Variants in DNAJC6 observed in about 807,000 individuals in gnomAD.
The protein encoded by DNAJC6 is DnaJ heat shock protein family (Hsp40) member C6.
A neutral mutation model predicts 110.0 loss-of-function variants in DNAJC6; 34 were observed. That is an observed-to-expected ratio of 0.31 (90% CI 0.24 to 0.41). The LOEUF (loss-of-function observed/expected upper bound fraction) is 0.41. Among genes scored for constraint, DNAJC6 ranks in the 10% least tolerant of loss-of-function variants. DNAJC6 has a pLI of 1.00. For missense variants in DNAJC6, 1,031 were observed against 1,207.8 expected (o/e 0.85, Z 2.17); for synonymous variants, 406 against 437.2 (o/e 0.93, Z 0.89).
upstream of DNAJC6, among the ~76,000 whole-genome samples, chr1:65,305,716 T>C (rs1038364653): frequency 2.6e-5 from 4 of 152,140 alleles, no homozygotes; most frequent in East Asian, 1.9e-4. Context: ...ATTTAAAAAC[T>C]CAGGGCAAAA....
At chr1:65,302,546 T>A in intron 1 of DNAJC6, among the ~76,000 whole-genome samples, 1 of 140,872 alleles carries the variant, frequency 7.1e-6, no homozygotes, top group African/African-American at 2.6e-5. Flanking sequence ...TTTTTTTTTT[T>A]GAGACGGAGT....
chr1:65,273,963 A>G (rs1653585538), intron 1 of DNAJC6, among the ~76,000 whole-genome samples: 1 of 152,144 alleles, frequency 6.6e-6, no homozygotes, highest in Admixed American at 6.5e-5. Context: ...TGTTCTATAT[A>G]TGTTAATTAT....
At chr1:65,316,262 T>A (rs772809516) in intron 1 of DNAJC6, among the ~76,000 whole-genome samples, 12 of 152,208 alleles carry the variant, frequency 7.9e-5, no homozygotes, top group Non-Finnish European at 1.6e-4. Flanking sequence ...TCCATCTTTA[T>A]GTTTTTGCAT....
In DNAJC6 at chr1:65,413,125, GT is replaced by G; in HGVS notation, c.*104del. Reference sequence around the variant, plus strand: ...GATGAACCAAAAACTCCAGTAACATGTTTTCAGTACTAAACCGTTAAGTTAC... The same window carrying G: ...GATGAACCAAAAACTCCAGTAACATGTTTCAGTACTAAACCGTTAAGTTAC... On this transcript the variant is annotated 3_prime_UTR_variant, in exon 19 of 19. Coordinates refer to ENST00000371069, the MANE Select transcript of DNAJC6 (RefSeq NM_001256864.2). 1.1e-6 allele frequency: 1 copy of G among 932,962 alleles called. No homozygotes were observed. The highest frequency in any genetic ancestry group is 1.7e-6 in the Non-Finnish European group (1 of 595,840). 57.8% of individuals were successfully genotyped at this position (932,962 alleles called of 1,614,324 possible). A position where few individuals can be genotyped will look rare whatever the true frequency, so the allele number is the denominator to read the frequency against.
Position 65,408,697 on chromosome 1 carries a change from G to A in DNAJC6, c.2548G>A (p.Ala850Thr), listed in dbSNP as rs1249441647. ...CCTACTCTCTGGTCAAGGTTTCAATGCTCACAAAGACAAAAAGGGGCCTCG... is the reference window on the plus strand; with the variant it reads ...CCTACTCTCTGGTCAAGGTTTCAATACTCACAAAGACAAAAAGGGGCCTCG... ...EDLLSGQGFNAHKDKKGPRTI... is the reference protein window; with the variant it reads ...EDLLSGQGFNTHKDKKGPRTI... The change falls in exon 17 of 19, where the codon GCT becomes ACT. Residue 850 changes from alanine (A) to threonine (T), a missense_variant. Coordinates refer to ENST00000371069, the MANE Select transcript of DNAJC6 (RefSeq NM_001256864.2). 1.2e-6 allele frequency: 2 copies of A among 1,613,958 alleles called. No homozygotes were observed. Among genetic ancestry groups the A allele is most frequent in the Non-Finnish European group, 1.7e-6 (2 of 1,179,976 alleles).
intron 1 of DNAJC6, among the ~76,000 whole-genome samples, chr1:65,277,485 T>C (rs1019586080): frequency 1.3e-5 from 2 of 152,226 alleles, no homozygotes; most frequent in Non-Finnish European, 2.9e-5. Flanking sequence ...ACAAAATAAT[T>C]TGAATGATTG....
chr1:65,349,034 A>C (rs1423190168), intron 1 of DNAJC6, among the ~76,000 whole-genome samples: 1 of 145,782 alleles, frequency 6.9e-6, no homozygotes, highest in Non-Finnish European at 1.5e-5. Context: ...ATATAAATAT[A>C]TGTAAATGCA....
chr1:65,306,871 A>G (rs1645043569), upstream of DNAJC6, among the ~76,000 whole-genome samples: 1 of 152,080 alleles, frequency 6.6e-6, no homozygotes, highest in South Asian at 2.1e-4. Flanking sequence ...CCCATTTGAA[A>G]AACTAAGACT....
chr1:65,281,191 T>G (rs1160885330), intron 1 of DNAJC6, among the ~76,000 whole-genome samples: 4 of 152,180 alleles, frequency 2.6e-5, no homozygotes, highest in African/African-American at 9.7e-5. Flanking sequence ...CCTCCCAAAG[T>G]GACGGGATTA....
At chr1:65,336,347 C>T (rs1475356969) in intron 1 of DNAJC6, among the ~76,000 whole-genome samples, 1 of 152,118 alleles carries the variant, frequency 6.6e-6, no homozygotes, top group Non-Finnish European at 1.5e-5. Context: ...CCCACTGGGT[C>T]CCTCCCACAA....
chr1:65,345,538 C>T (rs1418039524), intron 1 of DNAJC6: 1 of 484,058 alleles, frequency 2.1e-6, no homozygotes. Context: ...TGCTTGTTTG[C>T]AAATCCTAGG....
At chr1:65,337,371 G>A (rs968612536) in intron 1 of DNAJC6, among the ~76,000 whole-genome samples, 7 of 151,052 alleles carry the variant, frequency 4.6e-5, no homozygotes, top group Non-Finnish European at 7.4e-5. Flanking sequence ...TTATCCTGGA[G>A]TAAAGTTCAT....
At chr1:65,364,882 T>A (rs1645631622) in intron 2 of DNAJC6, 97 bp downstream of exon 2, 3 of 1,475,810 alleles carry the variant, frequency 2.0e-6, no homozygotes, top group Non-Finnish European at 2.8e-6. Context: ...AGTGTCAATT[T>A]TGGGATATAA....
At chr1:65,342,613 C>T (rs915834899) in intron 1 of DNAJC6, among the ~76,000 whole-genome samples, 1 of 152,188 alleles carries the variant, frequency 6.6e-6, no homozygotes, top group Non-Finnish European at 1.5e-5. Flanking sequence ...AAGACAAGTT[C>T]TCACTTTGCT....
chr1:65,302,123 TAAAAA>T (rs59460132), intron 1 of DNAJC6, among the ~76,000 whole-genome samples: 3 of 15,026 alleles, frequency 2.0e-4, no homozygotes, highest in African/African-American at 6.1e-3. Context: ...TATATATATA[TAAAAA>T]ATATATATAA....
In DNAJC6 at chr1:65,413,665, TA is replaced by T. The variant is rs1646148228; in HGVS notation, c.*645del. On this transcript the variant is annotated 3_prime_UTR_variant, in exon 19 of 19. Coordinates refer to ENST00000371069, the MANE Select transcript of DNAJC6 (RefSeq NM_001256864.2). ...ATTACCACCAACTTTCTGACTAAGC[TA>T]AAAATGAATGAAAATGGTGGCTAAA... The T allele has an allele frequency of 1.3e-5, 2 of 152,124 alleles. No individual in the cohort carries two copies. Among genetic ancestry groups the T allele is most frequent in the Non-Finnish European group, 2.9e-5 (2 of 68,010 alleles). The allele number at this position is 152,124 out of a possible 1,614,324, so 9.4% of individuals were successfully genotyped here.
At chr1:65,293,423 A>G (rs960505787) in intron 1 of DNAJC6, among the ~76,000 whole-genome samples, 1 of 152,140 alleles carries the variant, frequency 6.6e-6, no homozygotes, top group Non-Finnish European at 1.5e-5. Flanking sequence ...ATCATCTTCC[A>G]AAGGCCCCCA....
intron 1 of DNAJC6, among the ~76,000 whole-genome samples, chr1:65,325,031 T>C (rs77781251): frequency 1.3e-3 from 194 of 152,294 alleles, no homozygotes; most frequent in African/African-American, 4.4e-3. Flanking sequence ...GCCCTATAAA[T>C]TGAACTATAC....
intron 1 of DNAJC6, among the ~76,000 whole-genome samples, chr1:65,349,708 T>C (rs1264781634): frequency 6.7e-6 from 1 of 148,900 alleles, no homozygotes. Flanking sequence ...GTAATGTATC[T>C]TTTTCTCTAT....
Sources: allele counts gnomAD v4.1 joint callset (sites outside exome capture counted in the v4.1 genomes callset), GRCh38; gene constraint gnomAD v4.1.1; transcripts MANE v1.5; gene names NCBI Gene and HGNC (gene_info 2026-07-23, HGNC 2026-07-21).